The following MAP3K11 variants were observed in gnomAD, a reference collection of about 807,000 sequenced individuals.
The protein encoded by MAP3K11 is SH3 domain-containing proline-rich kinase.
In MAP3K11, 46 loss-of-function variants were observed where a neutral mutation model predicts 84.9. That is an observed-to-expected ratio of 0.54 (90% CI 0.43 to 0.69). The LOEUF is 0.69. MAP3K11 is among the 30% of genes least tolerant of loss of function. MAP3K11 has a pLI of 0.00. For missense variants in MAP3K11, 1,053 were observed against 1,198.3 expected, an observed-to-expected ratio of 0.88 and a Z score of 1.79; for synonymous variants, 527 against 514.7, an observed-to-expected ratio of 1.02 and a Z score of -0.32.
rs554945636 is a variant in MAP3K11 at position 65,607,674 on chromosome 11, C to G, written c.1212G>C (p.Gln404His). The change falls in exon 4 of 10, where the codon CAG becomes CAC. Residue 404 changes from glutamine (Q) to histidine (H), a missense_variant. Physicochemically the swap from Gln to His is conservative, Grantham distance 24. This residue lies in a region of MAP3K11 where 310 missense variants were observed against 464.5 expected (regional missense o/e 0.67). Transcript: ENST00000309100. Reference protein sequence around the residue: ...SMQEGWKREIQGLFDELRAKE... With the variant: ...SMQEGWKREIHGLFDELRAKE... ...TGGCTCGCAGCTCGTCGAAGAGACCCTGGATCTCGCGCTTCCAGCCTTCCT... is the reference window on the plus strand; with the variant it reads ...TGGCTCGCAGCTCGTCGAAGAGACCGTGGATCTCGCGCTTCCAGCCTTCCT... 1.9e-6 allele frequency: 3 copies of G among 1,613,012 alleles called. No individual in the cohort carries two copies. The highest frequency in any genetic ancestry group is 2.5e-6 in the Non-Finnish European group (3 of 1,179,250).
chr11:65,604,184 A>T (rs1486550843), intron 8 of MAP3K11, among the ~76,000 whole-genome samples: 1 of 152,250 alleles, frequency 6.6e-6, no homozygotes, highest in Non-Finnish European at 1.5e-5. Context: ...CTTCATAAAT[A>T]ATTAACAAAT....
chr11:65,607,223 C>A (rs964290293), intron 5 of MAP3K11, 47 bp downstream of exon 5: 2 of 1,441,560 alleles, frequency 1.4e-6, no homozygotes, highest in Non-Finnish European at 9.0e-7. Flanking sequence ...GCTCCACCCC[C>A]ACCCCCGCAG....
Position 65,607,438 on chromosome 11 carries a change from G to C in MAP3K11, c.1321C>G (p.Arg441Gly). 1 of 1,503,770 alleles carries C rather than the reference G, an allele frequency of 6.6e-7. No individual in the cohort carries two copies. Among genetic ancestry groups the C allele is most frequent in the Non-Finnish European group, 8.8e-7 (1 of 1,136,084 alleles). The allele number at this position is 1,503,770 out of a possible 1,614,324, so 93.2% of individuals were successfully genotyped here. Residue 441 changes from arginine to glycine, a missense_variant, in exon 5 of 10, where the codon CGC (arginine) becomes GGC (glycine). Coordinates refer to ENST00000309100, the MANE Select transcript of MAP3K11 (RefSeq NM_002419.4). ...TCCCACTGGGCCAGCAGGTGCTCGC[G>C]CCGCCGCAGCTGCTCCGCCTGTGAC... ...QRSQAEQLRRREHLLAQWELE... is the reference protein window; with the variant it reads ...QRSQAEQLRRGEHLLAQWELE...
At chr11:65,601,397 G>A (rs1854453893) in intron 8 of MAP3K11, among the ~76,000 whole-genome samples, 1 of 152,156 alleles carries the variant, frequency 6.6e-6, no homozygotes, top group South Asian at 2.1e-4. Context: ...ACTTGTTTAT[G>A]AGTCTGCCTG....
intron 8 of MAP3K11, 86 bp from the exon 9 acceptor site, chr11:65,599,854 G>A (rs1854437097): frequency 6.9e-7 from 1 of 1,447,284 alleles, no homozygotes; most frequent in Non-Finnish European, 9.3e-7. Flanking sequence ...CTTGGAACAA[G>A]GACTGAGTTC....
chr11:65,607,310 G>C lies in MAP3K11; in HGVS notation c.1449C>G (p.Leu483=). The part of the protein sequence containing the change: ...RRRGTFKRSK[L]RARDGGERIS... The stretch of plus-strand genomic sequence containing the variant: ...TACGCTCGCCGCCGTCGCGCGCCCG[G>C]AGCTTGCTGCGCTTGAATGTCCCGC... The change falls in exon 5 of 10, where the codon CTC becomes CTG. Residue 483 remains leucine (L), a synonymous_variant. Coordinates refer to ENST00000309100, the MANE Select transcript of MAP3K11 (RefSeq NM_002419.4). 7 of 1,523,332 alleles carry C rather than the reference G, an allele frequency of 4.6e-6. No individual in the cohort carries two copies. Among genetic ancestry groups the C allele is most frequent in the African/African-American group, 1.4e-5 (1 of 70,394 alleles). 94.4% of individuals were successfully genotyped at this position (1,523,332 alleles called of 1,614,324 possible).
rs1173712946 is a variant in MAP3K11, at chr11:65,598,647, G to A, written c.2207-19C>T. ...GTGCCTCCTGTGAGGATATAGGAGG[G>A]GCACAGGGTCAAGCAACCCCCAACT... On this transcript the variant is annotated intron_variant, in intron 9 of 9. Coordinates refer to ENST00000309100, the MANE Select transcript of MAP3K11 (RefSeq NM_002419.4). 1 of 1,455,954 alleles carries A rather than the reference G, an allele frequency of 6.9e-7. No individual in the cohort carries two copies. Among genetic ancestry groups the A allele is most frequent in the Non-Finnish European group, 9.1e-7 (1 of 1,093,960 alleles). 90.2% of individuals were successfully genotyped at this position (1,455,954 alleles called of 1,614,324 possible).
At chr11:65,602,331 G>A (rs959184186) in intron 8 of MAP3K11, among the ~76,000 whole-genome samples, 4 of 151,970 alleles carry the variant, frequency 2.6e-5, no homozygotes, top group Admixed American at 2.6e-4. Context: ...GGCCAACATG[G>A]TCAAACCCTG....
At chr11:65,612,745 T>C (rs1446609953) in intron 1 of MAP3K11, 3 of 356,560 alleles carry the variant, frequency 8.4e-6, no homozygotes, top group Non-Finnish European at 1.5e-5. Flanking sequence ...AGGATGCTTA[T>C]GGCCCACCTG....
intron 8 of MAP3K11, among the ~76,000 whole-genome samples, chr11:65,601,279 C>T (rs769021512): frequency 9.9e-5 from 15 of 152,206 alleles, no homozygotes; most frequent in Non-Finnish European, 2.1e-4. Flanking sequence ...ACCTCTTATG[C>T]ACCATCCAAG....
At chr11:65,610,764 C>T (rs1313521822) in intron 1 of MAP3K11, 1 of 152,312 alleles carries the variant, frequency 6.6e-6, no homozygotes, top group East Asian at 1.9e-4. Context: ...CCACTCTCCA[C>T]CTTTTTCAGG....
Position 65,605,781 on chromosome 11 carries a change from G to T in MAP3K11, c.1811C>A (p.Ser604Tyr). The change falls in exon 8 of 10, where the codon TCC becomes TAC. Residue 604 changes from serine (S) to tyrosine (Y), a missense_variant. Transcript: ENST00000309100. ...SDDSSPLGSP[S>Y]TPPALNGNPP... is the part of the protein sequence containing the mutation. Reference sequence around the variant, plus strand: ...CTCACCATTGAGTGCTGGGGGTGTGGAAGGAGATCCTAAGGGGGATGAGTC... The same window carrying T: ...CTCACCATTGAGTGCTGGGGGTGTGTAAGGAGATCCTAAGGGGGATGAGTC... The T allele has an allele frequency of 6.2e-7, 1 of 1,611,008 alleles. No homozygotes were observed. The highest frequency in any genetic ancestry group is 8.5e-7 in the Non-Finnish European group (1 of 1,178,668).
intron 9 of MAP3K11, 78 bp downstream of exon 9, chr11:65,599,316 T>A: frequency 1.4e-6 from 2 of 1,444,704 alleles, no homozygotes. Context: ...CCTCCTTGCA[T>A]GTCCCCACCA....
chr11:65,603,598 A>G (rs1271043318), intron 8 of MAP3K11, among the ~76,000 whole-genome samples: 1 of 152,218 alleles, frequency 6.6e-6, no homozygotes, highest in Non-Finnish European at 1.5e-5. Context: ...GACCTCTGTG[A>G]AGCCCCATTA....
chr11:65,613,431 C>A lies in MAP3K11; in HGVS notation c.326G>T (p.Cys109Phe), dbSNP rs755162558. The change falls in exon 1 of 10, where the codon TGC (cysteine) becomes TTC (phenylalanine). Residue 109 changes from cysteine to phenylalanine, a missense_variant. Physicochemically the swap from Cys to Phe is radical, Grantham distance 205. Coordinates refer to ENST00000309100, the MANE Select transcript of MAP3K11 (RefSeq NM_002419.4). ...CAGCTCCTGGAAGCTGGCCACCTCG[C>A]AGGGGGGCGGGCCGCCACCCCGAGA... ...YVSRGGGPPP[C>F]EVASFQELRL... The A allele has an allele frequency of 1.2e-6, 2 of 1,612,296 alleles. No individual in the cohort carries two copies. The highest frequency in any genetic ancestry group is 1.7e-6 in the Non-Finnish European group (2 of 1,179,558).
Position 65,599,520 on chromosome 11 carries a change from G to A in MAP3K11, c.2080C>T (p.Pro694Ser). The A allele has an allele frequency of 6.7e-7, 1 of 1,496,804 alleles. No individual in the cohort carries two copies. Among genetic ancestry groups the A allele is most frequent in the Non-Finnish European group, 8.9e-7 (1 of 1,129,128 alleles). 92.7% of individuals were successfully genotyped at this position (1,496,804 alleles called of 1,614,324 possible). Residue 694 changes from proline (P) to serine (S), a missense_variant, in exon 9 of 10, where the codon CCG (proline) becomes TCG (serine). Around this residue, in one of 3 missense-constraint regions of MAP3K11, gnomAD observed 583 missense variants for 566.6 expected, o/e 1.03. Coordinates refer to ENST00000309100, the MANE Select transcript of MAP3K11 (RefSeq NM_002419.4). ...APCPTEPPPS[P>S]LICFSLKTPD... is the part of the protein sequence containing the mutation. ...GTCTTGAGCGAGAAGCAGATGAGCG[G>A]GGAAGGGGGCGGCTCGGTCGGGCAG...
chr11:65,613,963 T>A lies in MAP3K11; in HGVS notation c.-207A>T, dbSNP rs927886706. On this transcript the variant is annotated 5_prime_UTR_variant, in exon 1 of 10. Coordinates refer to ENST00000309100, the MANE Select transcript of MAP3K11 (RefSeq NM_002419.4). Reference sequence around the variant, plus strand: ...TTCTGGAGGAGGGCACCCAGGGCAGTGTGGTCAGGCCGGGGGGGTGGGGCC... The same window carrying A: ...TTCTGGAGGAGGGCACCCAGGGCAGAGTGGTCAGGCCGGGGGGGTGGGGCC... 3.1e-6 allele frequency: 2 copies of A among 648,900 alleles called. No individual in the cohort carries two copies. The highest frequency in any genetic ancestry group is 3.6e-4 in the Middle Eastern group (1 of 2,812). 40.2% of individuals were successfully genotyped at this position (648,900 alleles called of 1,614,324 possible).
Position 65,606,858 on chromosome 11 carries a change from G to C in MAP3K11, c.1490-54C>G, listed in dbSNP as rs566348393. On this transcript the variant is annotated intron_variant, in intron 5 of 9. Coordinates refer to ENST00000309100, the MANE Select transcript of MAP3K11 (RefSeq NM_002419.4). ...TCAGGTTTGTGATGAAGTAGAGCCA[G>C]GACCCCAACCTGCAGGGGCCCAAGG... The C allele has an allele frequency of 2.0e-3, 2,475 of 1,236,502 alleles. 18 individuals are homozygous for C. The Middle Eastern group carries it at 0.053, about 27-fold the overall frequency. 76.6% of individuals were successfully genotyped at this position (1,236,502 alleles called of 1,614,324 possible). A position where few individuals can be genotyped will look rare whatever the true frequency, so the allele number is the denominator to read the frequency against.
chr11:65,600,383 G>A (rs576778350), intron 8 of MAP3K11, among the ~76,000 whole-genome samples: 45 of 152,344 alleles, frequency 3.0e-4, no homozygotes, highest in Admixed American at 5.2e-4. Flanking sequence ...CCAGGCCTGA[G>A]CTGAATGGCA....
Sources: gnomAD v4.1 joint callset for allele counts (sites outside exome capture counted in the v4.1 genomes callset) on GRCh38, gnomAD v4.1.1 for gene constraint, gnomAD v4.1.1 regional missense constraint, MANE v1.5 for transcripts, NCBI Gene and HGNC (gene_info 2026-07-23, HGNC 2026-07-21) for gene names.